The following AEBP2 variants were observed in gnomAD, a reference collection of about 807,000 sequenced individuals.
The protein encoded by AEBP2 is AE binding protein 2.
AEBP2 carries 10 observed loss-of-function variants against 50.8 expected under a neutral mutation model. That is an observed-to-expected ratio of 0.20 (90% CI 0.12 to 0.33). The LOEUF is 0.33. AEBP2 is among the 10% of genes least tolerant of loss of function. The probability of loss-of-function intolerance (pLI) is 1.00; values close to 1 mark genes in which losing one functional copy is unlikely to be tolerated. For missense variants in AEBP2, 570 were observed against 688.0 expected, an observed-to-expected ratio of 0.83 and a Z score of 1.92; for synonymous variants, 296 against 261.3, an observed-to-expected ratio of 1.13 and a Z score of -1.28.
chr12:19,473,376 A>AATTT (rs71530938), intron 3 of AEBP2, 21 bp downstream of exon 3: 8,707 of 172,984 alleles, frequency 0.05, 78 homozygotes, highest in Admixed American at 0.068. Context: ...ATGTATATAA[A>AATTT]ATTTATTTAT....
intron 1 of AEBP2, among the ~76,000 whole-genome samples, chr12:19,417,383 G>A (rs2115858): frequency 0.84 from 127,990 of 152,140 alleles, 54,058 homozygotes; most frequent in African/African-American, 0.9. Flanking sequence ...AGTTGATGTC[G>A]TGGATACATG....
intron 1 of AEBP2, among the ~76,000 whole-genome samples, chr12:19,441,204 G>A (rs1417202403): frequency 2.0e-5 from 3 of 152,136 alleles, no homozygotes; most frequent in Non-Finnish European, 2.9e-5. Flanking sequence ...GGTCTCGGAA[G>A]GAATGAGTAT....
At chr12:19,511,146 A>C (rs1949226237) in intron 5 of AEBP2, among the ~76,000 whole-genome samples, 1 of 152,074 alleles carries the variant, frequency 6.6e-6, no homozygotes, top group South Asian at 2.1e-4. Flanking sequence ...ACCTTTAGTA[A>C]GCCTTCCAAA....
intron 1 of AEBP2, 151 bp downstream of exon 1, chr12:19,440,521 TCGCCGC>T (rs947942618): frequency 5.8e-6 from 8 of 1,381,306 alleles, no homozygotes; most frequent in South Asian, 1.7e-5. Flanking sequence ...TCTCTCGCCG[TCGCCGC>T]CGCGCCCCTC....
In AEBP2 at chr12:19,521,521, AT is replaced by A. The variant is rs896899800; in HGVS notation, c.*3410del. On this transcript the variant is annotated 3_prime_UTR_variant, in exon 8 of 8. Transcript: ENST00000266508. ...AGGTGGAAATAGTGTAAAATTTAAA[AT>A]TTTTTATATTTCTAATAAACTTTTT... 7.2e-5 allele frequency: 11 copies of A among 152,110 alleles called. No homozygotes were observed. Among genetic ancestry groups the A allele is most frequent in the Non-Finnish European group, 1.5e-4 (10 of 68,002 alleles). 9.4% of individuals were successfully genotyped at this position (152,110 alleles called of 1,614,324 possible). A position where few individuals can be genotyped will look rare whatever the true frequency, so the allele number is the denominator to read the frequency against.
chr12:19,454,136 C>A (rs569998778), intron 1 of AEBP2, among the ~76,000 whole-genome samples: 4 of 152,102 alleles, frequency 2.6e-5, no homozygotes, highest in African/African-American at 9.7e-5. Flanking sequence ...AGCCGTTCGC[C>A]GCCTCTGCCT....
chr12:19,505,206 T>C (rs1949137154), intron 5 of AEBP2, among the ~76,000 whole-genome samples: 1 of 152,188 alleles, frequency 6.6e-6, no homozygotes, highest in South Asian at 2.1e-4. Flanking sequence ...TTTGGGAACA[T>C]AGTTTTATGA....
intron 1 of AEBP2, among the ~76,000 whole-genome samples, chr12:19,411,551 C>T (rs1486500924): frequency 6.9e-6 from 1 of 144,860 alleles, no homozygotes; most frequent in African/African-American, 2.8e-5. Context: ...CAAATTCCTG[C>T]TTCTTAGAGT....
chr12:19,500,229 TTC>T lies in AEBP2; in HGVS notation c.1299+10_1299+11del, dbSNP rs773668392. The stretch of plus-strand genomic sequence containing the variant: ...GTTGTTTTTCATAGTACTGTAAGTA[TTC>T]TTTTATTTTTTCAAATTAAATATAA... On this transcript the variant is annotated intron_variant, in intron 5 of 7. Transcript: ENST00000266508. The T allele has an allele frequency of 1.2e-5, 17 of 1,444,866 alleles. No homozygotes were observed. The Middle Eastern group carries it at 5.3e-4, about 45-fold the overall frequency. 89.5% of individuals were successfully genotyped at this position (1,444,866 alleles called of 1,614,324 possible).
intron 2 of AEBP2, 99 bp downstream of exon 2, chr12:19,462,816 A>AT (rs1158323023): frequency 2.8e-6 from 3 of 1,074,252 alleles, no homozygotes; most frequent in East Asian, 5.2e-5. Flanking sequence ...ATTTGGGATT[A>AT]TTTTTACACA....
intron 5 of AEBP2, among the ~76,000 whole-genome samples, chr12:19,506,394 C>A (rs1035853699): frequency 1.3e-5 from 2 of 152,214 alleles, no homozygotes; most frequent in African/African-American, 4.8e-5. Context: ...GCCACGGTGC[C>A]TGGCCCTTTT....
intron 2 of AEBP2, among the ~76,000 whole-genome samples, chr12:19,472,683 A>G (rs900516221): frequency 8.5e-5 from 13 of 152,202 alleles, no homozygotes; most frequent in African/African-American, 1.9e-4. Flanking sequence ...GATTAGAACA[A>G]TATGGGAACA....
chr12:19,450,870 T>C (rs1282568461), intron 1 of AEBP2, among the ~76,000 whole-genome samples: 2 of 151,484 alleles, frequency 1.3e-5, no homozygotes, highest in African/African-American at 4.9e-5. Flanking sequence ...TTTTTTTTTT[T>C]AGTTGCACTA....
At chr12:19,497,515 G>A (rs774472687) in intron 4 of AEBP2, among the ~76,000 whole-genome samples, 32 of 151,110 alleles carry the variant, frequency 2.1e-4, no homozygotes, top group Non-Finnish European at 4.3e-4. Context: ...CTTTGTTGCC[G>A]AGGCTGGAGT....
At chr12:19,477,289 C>T (rs1948663089) in intron 3 of AEBP2, among the ~76,000 whole-genome samples, 1 of 152,054 alleles carries the variant, frequency 6.6e-6, no homozygotes, top group South Asian at 2.1e-4. Context: ...TTCGGATGTC[C>T]TTTATTTCTT....
chr12:19,424,661 G>A (rs2095747617), intron 1 of AEBP2, among the ~76,000 whole-genome samples: 1 of 151,752 alleles, frequency 6.6e-6, no homozygotes, highest in African/African-American at 2.4e-5. Context: ...CTCCTAAAGT[G>A]CTGGGATTAC....
At chr12:19,424,718 AG>A (rs1367467955) in intron 1 of AEBP2, among the ~76,000 whole-genome samples, 1 of 152,030 alleles carries the variant, frequency 6.6e-6, no homozygotes, top group Non-Finnish European at 1.5e-5. Context: ...TTTTAAAAAA[AG>A]TACCCTAGCT....
chr12:19,413,025 T>C (rs905887673), intron 1 of AEBP2: 12 of 430,388 alleles, frequency 2.8e-5, no homozygotes, highest in Non-Finnish European at 4.7e-5. Flanking sequence ...TGGGGTCCCC[T>C]GGCCTGGAGC....
intron 4 of AEBP2, 47 bp downstream of exon 4, chr12:19,494,033 G>T: frequency 6.6e-7 from 1 of 1,513,594 alleles, no homozygotes; most frequent in Non-Finnish European, 8.9e-7. Flanking sequence ...GGTTTTAAAA[G>T]ATATCTTAGA....
Sources: gnomAD v4.1 joint callset for allele counts (sites outside exome capture counted in the v4.1 genomes callset) on GRCh38, gnomAD v4.1.1 for gene constraint, MANE v1.5 for transcripts, NCBI Gene and HGNC (gene_info 2026-07-23, HGNC 2026-07-21) for gene names.